RPGRIP1: variants seen among roughly 807,000 people sequenced by gnomAD.
RPGRIP1 encodes the protein X-linked retinitis pigmentosa GTPase regulator-interacting protein 1.
A neutral mutation model predicts 157.9 loss-of-function variants in RPGRIP1; 128 were observed. The ratio of observed to expected loss-of-function variants is 0.81; its 90% confidence interval spans 0.70 to 0.94. The LOEUF is 0.94. RPGRIP1 is among the 40% of genes least tolerant of loss of function. RPGRIP1 has a pLI of 0.00. For synonymous variants in RPGRIP1, 554 were observed against 571.6 expected, an observed-to-expected ratio of 0.97 and a Z score of 0.44; for missense variants, 1,486 against 1,545.8, an observed-to-expected ratio of 0.96 and a Z score of 0.65.
chr14:21,317,819 A>G lies in RPGRIP1; in HGVS notation c.1275A>G (p.Arg425=). The G allele has an allele frequency of 6.2e-7, 1 of 1,606,716 alleles. No homozygotes were observed. The highest frequency in any genetic ancestry group is 1.7e-5 in the Admixed American group (1 of 58,942). The change falls in exon 11 of 25, where the codon AGA becomes AGG. Residue 425 remains arginine (R), a synonymous_variant. Transcript: ENST00000400017. ...TGGATGCTGAGCTGGAGGACAAGAG[A>G]AAAGTTTTACTTGAGCTGTCCAGGG... ...DQLDAELEDK[R]KVLLELSREK...
intron 20 of RPGRIP1, among the ~76,000 whole-genome samples, chr14:21,331,270 C>G (rs1281960830): frequency 3.3e-5 from 5 of 151,660 alleles, no homozygotes; most frequent in African/African-American, 4.8e-5. Context: ...TACCTGTAAT[C>G]CCAGCACTTT....
intron 14 of RPGRIP1, chr14:21,324,332 T>C (rs765085946): frequency 8.3e-6 from 4 of 481,520 alleles, no homozygotes; most frequent in Non-Finnish European, 1.5e-5. Context: ...AACAATGTCA[T>C]ATATAAGATA....
chr14:21,339,438 C>T (rs907522073), intron 21 of RPGRIP1, among the ~76,000 whole-genome samples: 1 of 151,804 alleles, frequency 6.6e-6, no homozygotes, highest in Non-Finnish European at 1.5e-5. Flanking sequence ...GAGCGAAACT[C>T]GGTCTCAAAA....
In RPGRIP1 at chr14:21,287,985, T is replaced by A; in HGVS notation, c.9T>A (p.His3Gln). The A allele has an allele frequency of 1.2e-6, 2 of 1,611,800 alleles. No homozygotes were observed. Among genetic ancestry groups the A allele is most frequent in the Non-Finnish European group, 1.7e-6 (2 of 1,178,142 alleles). MS[H>Q]LVDPTSGDLP... ...GCTTGGGAACAGAGATCATGTCACA[T>A]CTGGTGGACCCTACATCAGGAGACT... Residue 3 changes from histidine to glutamine, a missense_variant, in exon 2 of 25, where the codon CAT becomes CAA. Transcript: ENST00000400017.
intron 20 of RPGRIP1, 88 bp downstream of exon 20, chr14:21,330,475 T>C (rs1045834766): frequency 4.2e-6 from 4 of 942,354 alleles, no homozygotes; most frequent in Middle Eastern, 2.4e-4. Flanking sequence ...AAGAGCAGCC[T>C]GGCCAACATG....
Position 21,324,280 on chromosome 14 carries a change from T to G in RPGRIP1, c.1763-338T>G, listed in dbSNP as rs1216654655. On this transcript the variant is annotated intron_variant, in intron 14 of 24. Coordinates refer to ENST00000400017, the MANE Select transcript of RPGRIP1 (RefSeq NM_020366.4). ...GTTTTTGTGTTTCTAGTACTTCTCT[T>G]ATGGAATTACCAGTTAATCATAGGG... 13 of 370,306 alleles carry G rather than the reference T, an allele frequency of 3.5e-5. No individual in the cohort carries two copies. The East Asian group carries it at 8.1e-4, about 23-fold the overall frequency. 22.9% of individuals were successfully genotyped at this position (370,306 alleles called of 1,614,324 possible). A position where few individuals can be genotyped will look rare whatever the true frequency, so the allele number is the denominator to read the frequency against.
At chr14:21,284,565 A>G (rs1880235671) in intron 1 of RPGRIP1, among the ~76,000 whole-genome samples, 1 of 132,782 alleles carries the variant, frequency 7.5e-6, no homozygotes, top group Admixed American at 8.1e-5. Context: ...TTTTTTGAAG[A>G]TGGAATCTCT....
rs1881117224 is a variant in RPGRIP1, at chr14:21,303,280, C to A, written c.588-51C>A. ...ATTTCTTTTTATATGTGTAAGAACC[C>A]AATTCTAAACTCCTGTAACAACAGT... On this transcript the variant is annotated intron_variant, in intron 5 of 24. Transcript: ENST00000400017. 3 of 1,358,198 alleles carry A rather than the reference C, an allele frequency of 2.2e-6. No individual in the cohort carries two copies. In the South Asian group the frequency reaches 3.8e-5, roughly 17 times the overall value. 84.1% of individuals were successfully genotyped at this position (1,358,198 alleles called of 1,614,324 possible).
At chr14:21,343,771 C>A (rs1482338376) in intron 22 of RPGRIP1, among the ~76,000 whole-genome samples, 2 of 150,398 alleles carry the variant, frequency 1.3e-5, no homozygotes, top group Non-Finnish European at 3.0e-5. Context: ...GGATTATAGG[C>A]GTGAGCCACC....
chr14:21,292,457 A>T (rs1880572095), intron 2 of RPGRIP1, among the ~76,000 whole-genome samples: 1 of 152,218 alleles, frequency 6.6e-6, no homozygotes. Flanking sequence ...CCAGTGACTC[A>T]TGCCTGTAAT....
At chr14:21,280,921 T>G (rs1880101733) in intron 1 of RPGRIP1, among the ~76,000 whole-genome samples, 1 of 152,204 alleles carries the variant, frequency 6.6e-6, no homozygotes, top group Admixed American at 6.6e-5. Flanking sequence ...AATTAATTAA[T>G]TTTTAATTGA....
chr14:21,327,101 A>G (rs773233978), intron 17 of RPGRIP1, among the ~76,000 whole-genome samples: 1 of 152,134 alleles, frequency 6.6e-6, no homozygotes, highest in Non-Finnish European at 1.5e-5. Context: ...CTCTCTCCTC[A>G]ATACAACTGC....
chr14:21,309,507 C>G (rs959665944), intron 7 of RPGRIP1, among the ~76,000 whole-genome samples: 2 of 150,346 alleles, frequency 1.3e-5, no homozygotes, highest in African/African-American at 2.4e-5. Context: ...GACTTTGTCT[C>G]AAAAAAAGAA....
intron 23 of RPGRIP1, 41 bp from the exon 24 acceptor site, chr14:21,348,131 A>G (rs375225952): frequency 1.4e-6 from 2 of 1,454,626 alleles, no homozygotes; most frequent in Non-Finnish European, 1.8e-6. Context: ...TGAAGCATTA[A>G]GAGTATCAAC....
intron 1 of RPGRIP1, among the ~76,000 whole-genome samples, chr14:21,286,351 T>C (rs1381684547): frequency 1.3e-5 from 2 of 151,716 alleles, no homozygotes; most frequent in African/African-American, 4.9e-5. Context: ...AAGGGAGGAA[T>C]CAAAGCTGCA....
chr14:21,297,816 T>G (rs1209718841), intron 3 of RPGRIP1, among the ~76,000 whole-genome samples: 3 of 152,160 alleles, frequency 2.0e-5, no homozygotes, highest in Non-Finnish European at 4.4e-5. Context: ...ATTCTATGTT[T>G]CGGTATCTCA....
At chr14:21,331,595 C>G (rs1378053929) in intron 20 of RPGRIP1, among the ~76,000 whole-genome samples, 1 of 152,032 alleles carries the variant, frequency 6.6e-6, no homozygotes, top group Non-Finnish European at 1.5e-5. Context: ...AATTTTATGC[C>G]TAAGGTCAGT....
intron 5 of RPGRIP1, 23 bp from the exon 6 acceptor site, chr14:21,303,308 C>G (rs575060982): frequency 2.6e-6 from 4 of 1,565,764 alleles, no homozygotes; most frequent in Non-Finnish European, 2.6e-6. Context: ...ACAACAGTTT[C>G]TAAGTATCCT....
intron 2 of RPGRIP1, among the ~76,000 whole-genome samples, chr14:21,289,735 G>A (rs1446798703): frequency 3.3e-5 from 5 of 152,134 alleles, no homozygotes; most frequent in African/African-American, 1.2e-4. Context: ...GGGCATAGTG[G>A]CTCACGCCTG....
Sources: gnomAD v4.1 joint callset for allele counts (sites outside exome capture counted in the v4.1 genomes callset) on GRCh38, gnomAD v4.1.1 for gene constraint, MANE v1.5 for transcripts, NCBI Gene and HGNC (gene_info 2026-07-23, HGNC 2026-07-21) for gene names.